The following RTN1 variants were observed in gnomAD, a reference collection of about 807,000 sequenced individuals.
RTN1 encodes reticulon-1.
Under a neutral mutation model 65.5 loss-of-function variants are expected in RTN1, and 25 were observed. The observed-to-expected ratio is 0.38, with a 90% CI of 0.28 to 0.53. RTN1 has a LOEUF of 0.53. Among genes scored for constraint, RTN1 ranks in the 20% least tolerant of loss-of-function variants. RTN1 has a pLI of 0.79. For synonymous variants in RTN1, 471 were observed against 447.6 expected (o/e 1.05, Z -0.66); for missense variants, 983 against 1,025.4 (o/e 0.96, Z 0.57).
chr14:59,852,546 T>C (rs142183572), intron 1 of RTN1, among the ~76,000 whole-genome samples: 20 of 152,300 alleles, frequency 1.3e-4, no homozygotes, highest in Admixed American at 2.0e-4. Context: ...GCGACTGAAG[T>C]GTACACAGAC....
intron 1 of RTN1, among the ~76,000 whole-genome samples, chr14:59,821,876 G>A (rs891750868): frequency 7.2e-5 from 11 of 152,272 alleles, no homozygotes; most frequent in South Asian, 4.1e-4. Context: ...CTTCATCATA[G>A]TGGATTAGCT....
intron 3 of RTN1, among the ~76,000 whole-genome samples, chr14:59,683,769 C>A (rs1432949845): frequency 6.6e-6 from 1 of 152,006 alleles, no homozygotes; most frequent in African/African-American, 2.4e-5. Context: ...AGGTAGTTGA[C>A]CTTATTAGTC....
chr14:59,697,236 T>A (rs1336271523), intron 3 of RTN1, among the ~76,000 whole-genome samples: 2 of 152,212 alleles, frequency 1.3e-5, no homozygotes, highest in Non-Finnish European at 2.9e-5. Context: ...TTCTCCCAGA[T>A]AATTACTGGC....
intron 3 of RTN1, among the ~76,000 whole-genome samples, chr14:59,671,114 G>A (rs545326414): frequency 2.0e-5 from 3 of 152,286 alleles, no homozygotes; most frequent in East Asian, 3.9e-4. Flanking sequence ...AGTGTACATA[G>A]GGAGGAGGGA....
At chr14:59,780,844 C>A (rs1594740363) in intron 1 of RTN1, among the ~76,000 whole-genome samples, 1 of 152,148 alleles carries the variant, frequency 6.6e-6, no homozygotes, top group African/African-American at 2.4e-5. Context: ...TTATTCACTG[C>A]ATCTGCACCT....
chr14:59,602,326 GC>G (rs1374828671), intron 8 of RTN1, among the ~76,000 whole-genome samples: 1 of 152,088 alleles, frequency 6.6e-6, no homozygotes, highest in African/African-American at 2.4e-5. Context: ...GATTAGGCTA[GC>G]TTTTTAATAA....
chr14:59,856,696 C>G (rs770602214), intron 1 of RTN1, among the ~76,000 whole-genome samples: 4 of 152,186 alleles, frequency 2.6e-5, no homozygotes, highest in Admixed American at 6.5e-5. Context: ...CTGAGCTTCC[C>G]CATTGCTATT....
intron 1 of RTN1, among the ~76,000 whole-genome samples, chr14:59,817,697 G>A (rs752972905): frequency 4.0e-5 from 6 of 151,426 alleles, no homozygotes; most frequent in African/African-American, 1.5e-4. Context: ...ACATTTCCAC[G>A]ACTCTTGGAC....
chr14:59,792,659 T>C (rs1473412471), intron 1 of RTN1, among the ~76,000 whole-genome samples: 1 of 152,170 alleles, frequency 6.6e-6, no homozygotes, highest in African/African-American at 2.4e-5. Flanking sequence ...CATTCCAATT[T>C]CATTGGAAAT....
intron 1 of RTN1, among the ~76,000 whole-genome samples, chr14:59,843,899 C>G (rs1887358616): frequency 6.6e-6 from 1 of 151,854 alleles, no homozygotes. Flanking sequence ...TTTAAAGGCA[C>G]TAGGGGAAAA....
At chr14:59,798,516 C>T (rs1886480661) in intron 1 of RTN1, among the ~76,000 whole-genome samples, 1 of 152,106 alleles carries the variant, frequency 6.6e-6, no homozygotes, top group Non-Finnish European at 1.5e-5. Flanking sequence ...TGCCTACATT[C>T]CTTGGCTTGT....
chr14:59,713,201 G>A (rs1276687537), intron 3 of RTN1, among the ~76,000 whole-genome samples: 4 of 152,078 alleles, frequency 2.6e-5, no homozygotes, highest in Non-Finnish European at 4.4e-5. Context: ...ATTCTTTAAC[G>A]CAGTGAAAAG....
At chr14:59,712,068 C>T (rs553797148) in intron 3 of RTN1, among the ~76,000 whole-genome samples, 2 of 152,088 alleles carry the variant, frequency 1.3e-5, no homozygotes, top group Non-Finnish European at 2.9e-5. Flanking sequence ...AAAGCCTCCA[C>T]CAAATAGCAA....
intron 1 of RTN1, among the ~76,000 whole-genome samples, chr14:59,750,132 AAT>A (rs1270822109): frequency 3.2e-5 from 2 of 63,356 alleles, no homozygotes; most frequent in East Asian, 1.4e-3. Flanking sequence ...TATTATCTAT[AAT>A]ATATAATATA....
At chr14:59,819,866 C>T (rs935498369) in intron 1 of RTN1, among the ~76,000 whole-genome samples, 30 of 152,174 alleles carry the variant, frequency 2.0e-4, no homozygotes, top group Admixed American at 4.6e-4. Flanking sequence ...GCTCCGAGTG[C>T]GGGGCCCCTT....
At chr14:59,614,910 C>A (rs1594632826) in intron 3 of RTN1, among the ~76,000 whole-genome samples, 1 of 152,140 alleles carries the variant, frequency 6.6e-6, no homozygotes, top group East Asian at 1.9e-4. Flanking sequence ...GTTTTACATA[C>A]AAGGTATGTA....
At chr14:59,827,110 G>T (rs1296558597) in intron 1 of RTN1, among the ~76,000 whole-genome samples, 1 of 152,100 alleles carries the variant, frequency 6.6e-6, no homozygotes, top group African/African-American at 2.4e-5. Context: ...ACAGAGTCTC[G>T]CTCTGTCACC....
At chr14:59,653,513 T>C (rs1039961566) in intron 3 of RTN1, among the ~76,000 whole-genome samples, 1 of 152,076 alleles carries the variant, frequency 6.6e-6, no homozygotes, top group African/African-American at 2.4e-5. Context: ...CTGCATAATA[T>C]GTAGTTTCTG....
At chr14:59,862,624 C>T (rs1221665075) in intron 1 of RTN1, among the ~76,000 whole-genome samples, 1 of 152,206 alleles carries the variant, frequency 6.6e-6, no homozygotes, top group Non-Finnish European at 1.5e-5. Flanking sequence ...CATCTATATA[C>T]TGCCTTGCAT....
Sources: allele counts gnomAD v4.1 joint callset (sites outside exome capture counted in the v4.1 genomes callset), GRCh38; gene constraint gnomAD v4.1.1; transcripts MANE v1.5; gene names NCBI Gene and HGNC (gene_info 2026-07-23, HGNC 2026-07-21).